Variants in LUZP2 observed in about 807,000 individuals in gnomAD.
The protein encoded by LUZP2 is leucine zipper protein 2.
A neutral mutation model predicts 51.6 loss-of-function variants in LUZP2; 52 were observed. That is an observed-to-expected ratio of 1.01 (90% confidence interval 0.81 to 1.27). The LOEUF (loss-of-function observed/expected upper bound fraction) is 1.27, where lower values mean the gene tolerates loss of function less well. Among genes scored for constraint, LUZP2 ranks in the 50% most tolerant of loss-of-function variants. The pLI is 0.00. For missense variants in LUZP2, 436 were observed against 395.4 expected, an observed-to-expected ratio of 1.10 and a Z score of -0.87; for synonymous variants, 154 against 137.3, an observed-to-expected ratio of 1.12 and a Z score of -0.85.
chr11:24,653,293 A>G (rs1273672510), intron 1 of LUZP2, among the ~76,000 whole-genome samples: 1 of 152,106 alleles, frequency 6.6e-6, no homozygotes, highest in Non-Finnish European at 1.5e-5. Flanking sequence ...ACCGAATTGA[A>G]TGTTGGGAGT....
intron 9 of LUZP2, among the ~76,000 whole-genome samples, chr11:25,008,057 G>A (rs1856881896): frequency 6.6e-6 from 1 of 152,212 alleles, no homozygotes; most frequent in African/African-American, 2.4e-5. Context: ...TCCTTTCGGT[G>A]CCACTTTGCA....
At chr11:25,033,243 C>G (rs1421452377) in intron 9 of LUZP2, among the ~76,000 whole-genome samples, 1 of 152,144 alleles carries the variant, frequency 6.6e-6, no homozygotes, top group Non-Finnish European at 1.5e-5. Flanking sequence ...GATATTAATT[C>G]AGCTTTGAAA....
chr11:24,602,525 C>T (rs911633721), intron 1 of LUZP2, among the ~76,000 whole-genome samples: 2 of 150,902 alleles, frequency 1.3e-5, no homozygotes, highest in South Asian at 4.2e-4. Flanking sequence ...GCTAAGTGAG[C>T]ATTTTCCTAT....
intron 1 of LUZP2, among the ~76,000 whole-genome samples, chr11:24,699,386 C>T (rs895126651): frequency 3.9e-5 from 6 of 152,020 alleles, no homozygotes; most frequent in African/African-American, 1.5e-4. Context: ...TCACATTTTT[C>T]ATGAACTTTT....
At chr11:24,904,332 G>C (rs973978453) in intron 5 of LUZP2, among the ~76,000 whole-genome samples, 3 of 152,072 alleles carry the variant, frequency 2.0e-5, no homozygotes, top group African/African-American at 7.2e-5. Context: ...ACCCAGGCTG[G>C]AGTGCAGTGC....
intron 5 of LUZP2, among the ~76,000 whole-genome samples, chr11:24,856,457 G>T (rs1409275052): frequency 6.6e-6 from 1 of 152,022 alleles, no homozygotes. Flanking sequence ...GTAGAGAAAA[G>T]ATAATGCTTA....
chr11:24,773,071 A>C (rs951795064), intron 5 of LUZP2, among the ~76,000 whole-genome samples: 1 of 116,460 alleles, frequency 8.6e-6, no homozygotes, highest in African/African-American at 3.0e-5. Context: ...TATTCCTCAT[A>C]AACAGTGTAG....
At chr11:24,739,457 T>C (rs989044346) in intron 4 of LUZP2, among the ~76,000 whole-genome samples, 1 of 152,054 alleles carries the variant, frequency 6.6e-6, no homozygotes, top group African/African-American at 2.4e-5. Context: ...CTCTGAGACG[T>C]TGGAGCATCA....
intron 7 of LUZP2, among the ~76,000 whole-genome samples, chr11:24,966,758 TTA>T (rs1347033711): frequency 8.8e-5 from 13 of 147,774 alleles, no homozygotes; most frequent in African/African-American, 2.4e-4. Context: ...ATTATATATT[TTA>T]TATATATAGT....
chr11:24,925,501 C>G (rs918987659), intron 7 of LUZP2, among the ~76,000 whole-genome samples: 22 of 152,156 alleles, frequency 1.4e-4, no homozygotes, highest in African/African-American at 4.8e-4. Flanking sequence ...AACTTTGTAG[C>G]CTTATTCCTT....
At chr11:24,692,111 T>C (rs1278973742) in intron 1 of LUZP2, among the ~76,000 whole-genome samples, 1 of 151,986 alleles carries the variant, frequency 6.6e-6, no homozygotes. Context: ...TCTATTCTTA[T>C]TTCTTGATAT....
intron 9 of LUZP2, among the ~76,000 whole-genome samples, chr11:25,011,793 C>T (rs1027226203): frequency 6.6e-5 from 10 of 151,928 alleles, no homozygotes; most frequent in Admixed American, 3.9e-4. Context: ...TCAGGGTATT[C>T]GGGGCATCTA....
rs192704105 is a variant in LUZP2, at chr11:24,704,059, T to C, written c.63-25110T>C. Reference sequence around the variant, plus strand: ...TAAAACTTAATAAAATAAAAACAAGTCTTAATCTAGATAAGTGTTTGTCTA... The same window carrying C: ...TAAAACTTAATAAAATAAAAACAAGCCTTAATCTAGATAAGTGTTTGTCTA... On this transcript the variant is annotated intron_variant, in intron 1 of 11. Transcript: ENST00000336930. Among the ~76,000 whole-genome samples, 434 of 152,232 alleles carry C rather than the reference T, an allele frequency of 2.9e-3. 4 individuals are homozygous for C. The highest frequency in any genetic ancestry group is 0.017 in the Middle Eastern group (5 of 294).
chr11:24,989,004 G>A (rs577155840), intron 9 of LUZP2, among the ~76,000 whole-genome samples: 9 of 151,760 alleles, frequency 5.9e-5, no homozygotes, highest in Admixed American at 2.0e-4. Flanking sequence ...ATAGGAGGCC[G>A]GAAGAGCCAT....
At chr11:24,729,797 T>C (rs1858647135) in intron 2 of LUZP2, among the ~76,000 whole-genome samples, 1 of 151,968 alleles carries the variant, frequency 6.6e-6, no homozygotes, top group South Asian at 2.1e-4. Context: ...GATAATATAT[T>C]GCAATATTTG....
At chr11:24,771,320 G>C (rs74442086) in intron 5 of LUZP2, among the ~76,000 whole-genome samples, 12,101 of 149,384 alleles carry the variant, frequency 0.081, 1,088 homozygotes, top group African/African-American at 0.22. Flanking sequence ...GAAACAAGTT[G>C]TGAGTACCAA....
chr11:24,741,228 C>T lies in LUZP2; in HGVS notation c.333+2926C>T, dbSNP rs377308532. Among the ~76,000 whole-genome samples the T allele has an allele frequency of 7.9e-5, 12 of 151,932 alleles. No individual in the cohort carries two copies. The South Asian group carries it at 1.5e-3, about 18-fold the overall frequency. ...GCATTGAAATGTTTGAGAGTGACCT[C>T]GGGTTCTCAGAGACTTACAAATGGT... On this transcript the variant is annotated intron_variant, in intron 4 of 11. Transcript: ENST00000336930.
intron 5 of LUZP2, among the ~76,000 whole-genome samples, chr11:24,843,684 C>G (rs1851104958): frequency 6.6e-6 from 1 of 152,106 alleles, no homozygotes; most frequent in African/African-American, 2.4e-5. Context: ...CCACCCAAAT[C>G]TCATCTTGAA....
At chr11:24,968,712 C>T (rs1342524374) in intron 7 of LUZP2, among the ~76,000 whole-genome samples, 1 of 152,192 alleles carries the variant, frequency 6.6e-6, no homozygotes, top group Non-Finnish European at 1.5e-5. Context: ...TTCTCTGATG[C>T]CCTGTCCCGC....
Sources: gnomAD v4.1 joint callset for allele counts (sites outside exome capture counted in the v4.1 genomes callset) on GRCh38, gnomAD v4.1.1 for gene constraint, MANE v1.5 for transcripts, NCBI Gene and HGNC (gene_info 2026-07-23, HGNC 2026-07-21) for gene names.